EFHD1: variants seen among roughly 807,000 people sequenced by gnomAD.
EFHD1 encodes the protein EF-hand domain family member D1.
EFHD1 carries 10 observed loss-of-function variants against 17.2 expected under a neutral mutation model. That is an observed-to-expected ratio of 0.58 (90% CI 0.36 to 0.99). The LOEUF is 0.99. Among genes scored for constraint, EFHD1 ranks in the 50% least tolerant of loss-of-function variants. EFHD1 has a pLI of 0.01. For missense variants in EFHD1, 310 were observed against 327.5 expected (o/e 0.95, Z 0.41); for synonymous variants, 153 against 142.0 (o/e 1.08, Z -0.55).
chr2:232,655,841 C>G (rs2106207245), intron 1 of EFHD1, among the ~76,000 whole-genome samples: 2 of 139,940 alleles, frequency 1.4e-5, no homozygotes, highest in South Asian at 4.5e-4. Flanking sequence ...GAATCTTGCT[C>G]TGTCACCCAG....
At chr2:232,653,092 CAA>C (rs1454930047) in intron 1 of EFHD1, among the ~76,000 whole-genome samples, 2 of 152,004 alleles carry the variant, frequency 1.3e-5, no homozygotes, top group African/African-American at 4.8e-5. Flanking sequence ...CCCCTGGGTT[CAA>C]GAGTTTCTTC....
intron 1 of EFHD1, among the ~76,000 whole-genome samples, chr2:232,612,490 A>G (rs1693829380): frequency 6.6e-6 from 1 of 152,166 alleles, no homozygotes; most frequent in African/African-American, 2.4e-5. Context: ...ATCAAAGAAG[A>G]TATGTGGAAA....
Position 232,639,791 on chromosome 2 carries a change from G to A in EFHD1, c.302+5785G>A, listed in dbSNP as rs1694392461. Among the ~76,000 whole-genome samples the A allele has an allele frequency of 3.9e-5, 6 of 152,226 alleles. No individual in the cohort carries two copies. In the South Asian group the frequency reaches 1.2e-3, roughly 32 times the overall value. ...GTTAGGAGCCCAGCACATCCTCAGGGCACTGACATCTGGGGTTGGCACACG... is the reference window on the plus strand; with the variant it reads ...GTTAGGAGCCCAGCACATCCTCAGGACACTGACATCTGGGGTTGGCACACG... On this transcript the variant is annotated intron_variant, in intron 1 of 3. Transcript: ENST00000264059.
At chr2:232,662,269 CATGAG>C (rs1694885371) in intron 1 of EFHD1, among the ~76,000 whole-genome samples, 1 of 152,094 alleles carries the variant, frequency 6.6e-6, no homozygotes, top group African/African-American at 2.4e-5. Context: ...AGAGGGGAAT[CATGAG>C]CCAGAGTCAT....
intron 1 of EFHD1, among the ~76,000 whole-genome samples, chr2:232,616,578 C>T (rs1693932364): frequency 6.6e-6 from 1 of 152,166 alleles, no homozygotes; most frequent in Admixed American, 6.5e-5. Context: ...GGATTACAGG[C>T]GTGAGCCACC....
In EFHD1 at chr2:232,622,266, G is replaced by A. The variant is rs972937498; in HGVS notation, c.14+16093G>A. Among the ~76,000 whole-genome samples the A allele has an allele frequency of 2.0e-5, 3 of 152,286 alleles. No individual in the cohort carries two copies. In the South Asian group the frequency reaches 6.2e-4, roughly 32 times the overall value. On this transcript the variant is annotated intron_variant, in intron 1 of 3. Coordinates refer to the EFHD1 transcript ENST00000409613. Reference sequence around the variant, plus strand: ...GCGGATCACCTGAGGTCAGGAGTTCGAGACCAGCCTGGCCAACATGGTGAA... The same window carrying A: ...GCGGATCACCTGAGGTCAGGAGTTCAAGACCAGCCTGGCCAACATGGTGAA...
chr2:232,607,929 A>ATT lies in EFHD1; in HGVS notation c.14+1763_14+1764dup, dbSNP rs35873246. Among the ~76,000 whole-genome samples the ATT allele has an allele frequency of 7.0e-3, 1,062 of 150,884 alleles. 38 individuals are homozygous for ATT. Among genetic ancestry groups the ATT allele is most frequent in the Admixed American group, 0.059 (894 of 15,116 alleles). On this transcript the variant is annotated intron_variant, in intron 1 of 3. Coordinates refer to the EFHD1 transcript ENST00000409613. Reference sequence around the variant, plus strand: ...GGCAACACAGCAAGACCCTGTCTCTATTTTTTTTAATTAATTAATTAAAAG... The same window carrying ATT: ...GGCAACACAGCAAGACCCTGTCTCTATTTTTTTTTTAATTAATTAATTAAAAG...
At chr2:232,633,582 G>A, upstream of EFHD1, 3 of 1,301,500 alleles carry the variant, frequency 2.3e-6, no homozygotes, top group Non-Finnish European at 2.9e-6. Flanking sequence ...CCTCCCAACC[G>A]CCGGGTCCCC....
chr2:232,672,427 A>G lies in EFHD1; in HGVS notation c.569A>G (p.Asn190Ser). The change falls in exon 3 of 4, where the codon AAC becomes AGC. Residue 190 changes from asparagine to serine, a missense_variant. By Grantham distance (46) the Asn-to-Ser change is conservative. Coordinates refer to ENST00000264059, the MANE Select transcript of EFHD1 (RefSeq NM_025202.4). Reference protein sequence around the residue: ...VALEGVKGAKNFFEAKVQALS... With the variant: ...VALEGVKGAKSFFEAKVQALS... ...CTGGAGGGTGTCAAAGGTGCCAAGA[A>G]CTTCTTTGAAGCCAAGGTAGGTGCT... is the stretch of plus-strand genomic sequence containing the variant. 1 of 1,604,038 alleles carries G rather than the reference A, an allele frequency of 6.2e-7. No individual in the cohort carries two copies. Among genetic ancestry groups the G allele is most frequent in the South Asian group, 1.1e-5 (1 of 89,608 alleles).
At chr2:232,663,308 T>A (rs1694909389) in intron 2 of EFHD1, among the ~76,000 whole-genome samples, 1 of 152,168 alleles carries the variant, frequency 6.6e-6, no homozygotes, top group South Asian at 2.1e-4. Context: ...AATTTTTTAT[T>A]TTTAATTGTT....
At chr2:232,618,542 T>A (rs2106185268) in intron 1 of EFHD1, among the ~76,000 whole-genome samples, 2 of 151,690 alleles carry the variant, frequency 1.3e-5, no homozygotes, top group East Asian at 3.9e-4. Context: ...AGCAACATGT[T>A]GAGACCCTGT....
chr2:232,630,858 C>T (rs13420870), upstream of EFHD1, among the ~76,000 whole-genome samples: 28,981 of 150,756 alleles, frequency 0.19, 3,564 homozygotes, highest in East Asian at 0.58. Flanking sequence ...ACATTATATT[C>T]ATAAATAAAA....
chr2:232,677,414 TTTTC>T (rs1490072191), intron 3 of EFHD1, among the ~76,000 whole-genome samples: 2 of 151,470 alleles, frequency 1.3e-5, no homozygotes, highest in Admixed American at 1.3e-4. Flanking sequence ...GGACACTGAT[TTTTC>T]ATTGAAATGG....
At chr2:232,647,772 G>T (rs1048763621) in intron 1 of EFHD1, among the ~76,000 whole-genome samples, 11 of 151,942 alleles carry the variant, frequency 7.2e-5, no homozygotes, top group Admixed American at 3.3e-4. Context: ...AAGTAGCTGG[G>T]ATTACAGGCA....
At chr2:232,617,258 T>A (rs766679445) in intron 1 of EFHD1, among the ~76,000 whole-genome samples, 2 of 152,232 alleles carry the variant, frequency 1.3e-5, no homozygotes, top group Non-Finnish European at 2.9e-5. Context: ...TCACCACTTT[T>A]ATGAATTGCT....
intron 1 of EFHD1, among the ~76,000 whole-genome samples, chr2:232,658,323 C>T (rs1249897746): frequency 2.6e-5 from 4 of 152,182 alleles, no homozygotes; most frequent in African/African-American, 9.7e-5. Flanking sequence ...AGTCAGCACC[C>T]TTTCCAGGTG....
chr2:232,613,604 A>C (rs1403294075), intron 1 of EFHD1, among the ~76,000 whole-genome samples: 14 of 115,162 alleles, frequency 1.2e-4, no homozygotes, highest in African/African-American at 4.3e-4. Flanking sequence ...AAGAGGAACC[A>C]CACACACACA....
At chr2:232,665,908 C>A (rs1694959551) in intron 2 of EFHD1, among the ~76,000 whole-genome samples, 1 of 152,154 alleles carries the variant, frequency 6.6e-6, no homozygotes, top group Non-Finnish European at 1.5e-5. Flanking sequence ...TGCAGCCTCT[C>A]ACTTCTGGGC....
chr2:232,664,060 G>A (rs983616688), intron 2 of EFHD1, among the ~76,000 whole-genome samples: 6 of 152,090 alleles, frequency 3.9e-5, no homozygotes, highest in Admixed American at 6.6e-5. Context: ...CCAAAGTGCT[G>A]GGATTACAGT....
Sources: gnomAD v4.1 joint callset for allele counts (sites outside exome capture counted in the v4.1 genomes callset) on GRCh38, gnomAD v4.1.1 for gene constraint, MANE v1.5 for transcripts, NCBI Gene and HGNC (gene_info 2026-07-23, HGNC 2026-07-21) for gene names.